The following CEP120 variants were observed in gnomAD, a reference collection of about 807,000 sequenced individuals.
The protein encoded by CEP120 is centrosomal protein 120.
Under a neutral mutation model 126.5 loss-of-function variants are expected in CEP120, and 113 were observed. The ratio of observed to expected loss-of-function variants is 0.89; its 90% CI spans 0.77 to 1.04. CEP120 has a LOEUF of 1.04. Among genes scored for constraint, CEP120 ranks in the 50% least tolerant of loss-of-function variants. The pLI, the probability that CEP120 is intolerant of heterozygous loss-of-function variation, is 0.00. For synonymous variants in CEP120, 400 were observed against 394.3 expected (o/e 1.01, Z -0.17); for missense variants, 1,230 against 1,155.7 (o/e 1.06, Z -0.93).
At chr5:123,355,752 A>G (rs1769559899) in intron 18 of CEP120, among the ~76,000 whole-genome samples, 1 of 151,556 alleles carries the variant, frequency 6.6e-6, no homozygotes, top group Admixed American at 6.6e-5. Context: ...CTCTGATGGT[A>G]GTTTCTTTTG....
At position 123,402,235 on chromosome 5, in the gene CEP120, T is replaced by C. The variant is rs571037233; in HGVS notation, c.464-2951A>G. ...CAGCTGCTGCCCACTTGGGAGAAGC[T>C]TGAGGAGCTGATGTGGGCACCGGGC... On this transcript the variant is annotated intron_variant, in intron 4 of 19. Coordinates refer to ENST00000306467, the MANE Select transcript of CEP120 (RefSeq NM_001375405.1). The C allele has an allele frequency of 2.2e-5, 33 of 1,516,570 alleles. No individual in the cohort carries two copies. The East Asian group carries it at 4.3e-4, about 20-fold the overall frequency. The allele number at this position is 1,516,570 out of a possible 1,614,324, so 93.9% of individuals were successfully genotyped here.
intron 1 of CEP120, chr5:123,422,346 A>C: frequency 1.5e-6 from 1 of 646,476 alleles, no homozygotes; most frequent in Non-Finnish European, 2.7e-6. Context: ...ATTTGCTGAC[A>C]CACTCTCCTT....
chr5:123,394,291 G>A (rs566284274), intron 5 of CEP120, among the ~76,000 whole-genome samples: 148 of 152,224 alleles, frequency 9.7e-4, no homozygotes, highest in African/African-American at 3.2e-3. Flanking sequence ...GACTGGTTTC[G>A]TGGAAGACAA....
chr5:123,390,918 T>A (rs1247414072), intron 7 of CEP120, 192 bp downstream of exon 7: 3 of 535,196 alleles, frequency 5.6e-6, no homozygotes, highest in Non-Finnish European at 9.8e-6. Flanking sequence ...AAGAGGGCTC[T>A]GGGTAGAATC....
In CEP120 at chr5:123,378,329, G is replaced by A. The variant is rs1771389445; in HGVS notation, c.2196+7C>T. 1 of 1,580,298 alleles carries A rather than the reference G, an allele frequency of 6.3e-7. No individual in the cohort carries two copies. The highest frequency in any genetic ancestry group is 1.9e-5 in the Admixed American group (1 of 51,942). On this transcript the variant is annotated splice_region_variant and intron_variant, in intron 15 of 19. Transcript: ENST00000306467. ...CTGAAAAAAAATACAATGGACGAAT[G>A]ACATACCTCTGATTCCACACTAGCA... is the stretch of plus-strand genomic sequence containing the variant.
intron 18 of CEP120, among the ~76,000 whole-genome samples, chr5:123,353,339 CT>C (rs1265598420): frequency 6.6e-6 from 1 of 151,232 alleles, no homozygotes; most frequent in Non-Finnish European, 1.5e-5. Context: ...TTTTTTTCTC[CT>C]TTAATCTTTG....
At chr5:123,363,732 T>TGACA (rs1770253667) in intron 18 of CEP120, among the ~76,000 whole-genome samples, 1 of 151,446 alleles carries the variant, frequency 6.6e-6, no homozygotes, top group Non-Finnish European at 1.5e-5. Flanking sequence ...TAATAGTATT[T>TGACA]GACAGTTATG....
intron 6 of CEP120, among the ~76,000 whole-genome samples, chr5:123,391,763 C>T (rs980246648): frequency 1.3e-5 from 2 of 152,100 alleles, no homozygotes; most frequent in South Asian, 4.1e-4. Flanking sequence ...GTGGATCAAT[C>T]CTGATTTGGA....
chr5:123,401,618 G>T, intron 4 of CEP120: 1 of 1,422,870 alleles, frequency 7.0e-7, no homozygotes, highest in South Asian at 1.1e-5. Flanking sequence ...CACCACAGAT[G>T]TGTCTGAGAT....
chr5:123,390,501 TCTCTC>T (rs772550649), intron 7 of CEP120: 7 of 317,396 alleles, frequency 2.2e-5, no homozygotes, highest in Non-Finnish European at 3.7e-5. Context: ...TGACTTTCCT[TCTCTC>T]CTTTATTCCA....
intron 18 of CEP120, among the ~76,000 whole-genome samples, chr5:123,350,559 C>T (rs1288546594): frequency 6.6e-6 from 1 of 152,178 alleles, no homozygotes; most frequent in African/African-American, 2.4e-5. Context: ...ATACAATGAA[C>T]TGTCAATACA....
chr5:123,350,008 C>G lies in CEP120; in HGVS notation c.2662G>C (p.Glu888Gln). 1 of 1,613,710 alleles carries G rather than the reference C, an allele frequency of 6.2e-7. No homozygotes were observed. The highest frequency in any genetic ancestry group is 1.1e-5 in the South Asian group (1 of 91,048). The part of the protein sequence containing the change: ...EQMRLRYLAA[E>Q]EKDTVKTERQ... ...TCGGTTTTTACTGTATCTTTTTCCT[C>G]AGCGGCAAGGTAACGTAGTCTCATC... is the stretch of plus-strand genomic sequence containing the variant. Residue 888 changes from glutamate (E) to glutamine (Q), a missense_variant, in exon 19 of 20, where the codon GAG becomes CAG. Transcript: ENST00000306467.
At chr5:123,386,019 T>G (rs1266518354) in intron 10 of CEP120, among the ~76,000 whole-genome samples, 1 of 152,160 alleles carries the variant, frequency 6.6e-6, no homozygotes, top group Non-Finnish European at 1.5e-5. Context: ...ATGTATAAAT[T>G]TGAATTGTGA....
rs7726814 is a variant in CEP120, at chr5:123,389,803, T to C, written c.1255+121A>G. ...GCGTGAGCCACCGTGCCCAGCCTTATTGGTTCTTAACAAACCCACAATTTT... is the reference window on the plus strand; with the variant it reads ...GCGTGAGCCACCGTGCCCAGCCTTACTGGTTCTTAACAAACCCACAATTTT... On this transcript the variant is annotated intron_variant, in intron 8 of 19. Transcript: ENST00000306467. 0.045 allele frequency: 38,035 copies of C among 845,576 alleles called. 1,314 individuals are homozygous for C. The highest frequency in any genetic ancestry group is 0.094 in the South Asian group (5,456 of 58,272). 52.4% of individuals were successfully genotyped at this position (845,576 alleles called of 1,614,324 possible). A position where few individuals can be genotyped will look rare whatever the true frequency, so the allele number is the denominator to read the frequency against.
chr5:123,416,149 A>C lies in CEP120; in HGVS notation c.207-25T>G, dbSNP rs201781314. 1,974 of 1,423,816 alleles carry C rather than the reference A, an allele frequency of 1.4e-3. 15 individuals carry two copies. Among genetic ancestry groups the C allele is most frequent in the Middle Eastern group, 9.8e-3 (55 of 5,634 alleles). 88.2% of individuals were successfully genotyped at this position (1,423,816 alleles called of 1,614,324 possible). A position where few individuals can be genotyped will look rare whatever the true frequency, so the allele number is the denominator to read the frequency against. On this transcript the variant is annotated intron_variant, in intron 2 of 19. Coordinates refer to ENST00000306467, the MANE Select transcript of CEP120 (RefSeq NM_001375405.1). The stretch of plus-strand genomic sequence containing the variant: ...CCTATAACAAAACATGTGATAAATA[A>C]AATGGTTTTTGCTTAATAAACTTTC...
At chr5:123,391,358 C>A in intron 6 of CEP120, 21 bp from the exon 7 acceptor site, 1 of 1,538,562 alleles carries the variant, frequency 6.5e-7, no homozygotes, top group South Asian at 1.1e-5. Flanking sequence ...AGGGAAAAAT[C>A]AAAATAGGGC....
At position 123,423,063 on chromosome 5, in the gene CEP120, G is replaced by A. The variant is rs905444028; in HGVS notation, c.-65C>T. The A allele has an allele frequency of 5.7e-6, 8 of 1,411,064 alleles. No individual in the cohort carries two copies. The highest frequency in any genetic ancestry group is 5.6e-5 in the African/African-American group (4 of 70,920). The allele number at this position is 1,411,064 out of a possible 1,614,324, so 87.4% of individuals were successfully genotyped here. On this transcript the variant is annotated 5_prime_UTR_variant, in exon 1 of 20. Coordinates refer to ENST00000306467, the MANE Select transcript of CEP120 (RefSeq NM_001375405.1). The stretch of plus-strand genomic sequence containing the variant: ...GAAGTGAGGTCCAGTTGAGTCGCGG[G>A]TAATCCGGGACCCCCGGCGGGACCC...
At chr5:123,410,753 C>T (rs1042803173) in intron 4 of CEP120, among the ~76,000 whole-genome samples, 2 of 152,070 alleles carry the variant, frequency 1.3e-5, no homozygotes, top group African/African-American at 4.8e-5. Flanking sequence ...AAAGGAGAAA[C>T]CTAGATGGCC....
chr5:123,414,692 C>T (rs989232499), intron 3 of CEP120, among the ~76,000 whole-genome samples: 6 of 152,036 alleles, frequency 3.9e-5, no homozygotes, highest in East Asian at 1.9e-4. Flanking sequence ...AGCGGCCGGG[C>T]GCGGTGGCTC....
Sources: allele counts gnomAD v4.1 joint callset (sites outside exome capture counted in the v4.1 genomes callset), GRCh38; gene constraint gnomAD v4.1.1; transcripts MANE v1.5; gene names NCBI Gene and HGNC (gene_info 2026-07-23, HGNC 2026-07-21).